DLC1: variants seen among roughly 807,000 people sequenced by gnomAD.
DLC1 encodes the protein DLC1 Rho GTPase activating protein, also known as rho GTPase-activating protein 7.
A neutral mutation model predicts 140.3 loss-of-function variants in DLC1; 54 were observed. That is an observed-to-expected ratio of 0.38 (90% CI 0.31 to 0.48). The LOEUF (loss-of-function observed/expected upper bound fraction) is 0.48, where lower values mean the gene tolerates loss of function less well. DLC1 is among the 20% of genes least tolerant of loss of function. The pLI is 0.96. For missense variants in DLC1, 2,536 were observed against 1,907.0 expected, an observed-to-expected ratio of 1.33 and a Z score of -6.14; for synonymous variants, 986 against 728.1, an observed-to-expected ratio of 1.35 and a Z score of -5.70.
intron 3 of DLC1, among the ~76,000 whole-genome samples, chr8:13,395,050 TATTA>T (rs200711909): frequency 0.031 from 3,895 of 125,692 alleles, 71 homozygotes; most frequent in South Asian, 0.072. Flanking sequence ...TCTATCTATC[TATTA>T]GGTACCTATC....
chr8:13,398,089 C>T (rs1837128710), intron 3 of DLC1, among the ~76,000 whole-genome samples: 1 of 151,810 alleles, frequency 6.6e-6, no homozygotes, highest in Admixed American at 6.6e-5. Context: ...CTAGATTGCG[C>T]CACTGCACTC....
intron 2 of DLC1, among the ~76,000 whole-genome samples, chr8:13,465,326 T>A (rs60860927): frequency 1.3e-5 from 2 of 151,932 alleles, no homozygotes; most frequent in South Asian, 2.1e-4. Flanking sequence ...ATGCCAAATT[T>A]TTTTCCTAAT....
At chr8:13,451,071 A>G (rs961111062) in intron 2 of DLC1, among the ~76,000 whole-genome samples, 3 of 149,472 alleles carry the variant, frequency 2.0e-5, no homozygotes, top group African/African-American at 7.3e-5. Context: ...AAAAAAAAGA[A>G]AAAAAGAAAA....
At chr8:13,382,403 A>T (rs1437828944) in intron 4 of DLC1, among the ~76,000 whole-genome samples, 2 of 141,210 alleles carry the variant, frequency 1.4e-5, no homozygotes, top group Non-Finnish European at 3.0e-5. Context: ...GCTACTCGGG[A>T]GGCTGAGGCA....
At chr8:13,296,468 T>C (rs954408514) in intron 5 of DLC1, among the ~76,000 whole-genome samples, 45 of 152,188 alleles carry the variant, frequency 3.0e-4, no homozygotes, top group South Asian at 4.1e-4. Context: ...ATGCTGCTGA[T>C]AGCCATTCTT....
chr8:13,395,134 T>C (rs1257857803), intron 3 of DLC1, among the ~76,000 whole-genome samples: 1 of 151,838 alleles, frequency 6.6e-6, no homozygotes, highest in East Asian at 1.9e-4. Flanking sequence ...TCTTTTTTTT[T>C]TTTTGGAATG....
rs188527248 is a variant in DLC1, at chr8:13,401,430, C to T, written c.1173+40G>A. The T allele has an allele frequency of 1.7e-4, 277 of 1,604,222 alleles. 1 individual carries two copies. In the East Asian group the frequency reaches 3.5e-3, roughly 20 times the overall value. Reference sequence around the variant, plus strand: ...AGGGACTGTATAAGGTCAAGAGTTACGACTCCTATGGGAAAAGAAGTAGAA... The same window carrying T: ...AGGGACTGTATAAGGTCAAGAGTTATGACTCCTATGGGAAAAGAAGTAGAA... On this transcript the variant is annotated intron_variant, in intron 3 of 17. Coordinates refer to ENST00000276297, the MANE Select transcript of DLC1 (RefSeq NM_182643.3).
chr8:13,499,473 C>T lies in DLC1; in HGVS notation c.599G>A (p.Ser200Asn), dbSNP rs758377686. Residue 200 changes from serine (S) to asparagine (N), a missense_variant, in exon 2 of 18, where the codon AGT (serine) becomes AAT (asparagine). Coordinates refer to ENST00000276297, the MANE Select transcript of DLC1 (RefSeq NM_182643.3). ...TACTTTGGGTGCATCTTTTATTTCACTTAAGCTTATTTCATTGCAAAGCTC... is the reference window on the plus strand; with the variant it reads ...TACTTTGGGTGCATCTTTTATTTCATTTAAGCTTATTTCATTGCAAAGCTC... ...SLELCNEISL[S>N]EIKDAPKVNA... 1.2e-6 allele frequency: 2 copies of T among 1,614,138 alleles called. No homozygotes were observed. The highest frequency in any genetic ancestry group is 2.2e-5 in the East Asian group (1 of 44,878).
At chr8:13,536,277 T>G (rs1803281196) in intron 1 of DLC1, 1 of 152,198 alleles carries the variant, frequency 6.6e-6, no homozygotes, top group Non-Finnish European at 1.5e-5. Flanking sequence ...AGTAGGAGAT[T>G]ACACTATGAA....
At chr8:13,087,451 G>A (rs74369967) in intron 16 of DLC1, among the ~76,000 whole-genome samples, 3,906 of 152,262 alleles carry the variant, frequency 0.026, 166 homozygotes, top group African/African-American at 0.088. Context: ...ACTTGATCTT[G>A]AACTTCCCAG....
At chr8:13,366,249 C>T (rs1321402911) in intron 4 of DLC1, among the ~76,000 whole-genome samples, 2 of 152,212 alleles carry the variant, frequency 1.3e-5, no homozygotes, top group African/African-American at 4.8e-5. Flanking sequence ...GCCAGGACAA[C>T]TCTGCTTTCA....
At chr8:13,304,991 T>C (rs751020989) in intron 5 of DLC1, 6 of 1,082,002 alleles carry the variant, frequency 5.5e-6, no homozygotes, top group African/African-American at 1.7e-5. Context: ...GATCAACATT[T>C]AATTCTTTTG....
At chr8:13,216,421 T>G (rs562921254) in intron 5 of DLC1, among the ~76,000 whole-genome samples, 16 of 152,086 alleles carry the variant, frequency 1.1e-4, no homozygotes, top group Admixed American at 8.5e-4. Flanking sequence ...CTCTAGTCAC[T>G]GCTTCCTTTC....
chr8:13,486,923 A>T (rs1023572393), intron 2 of DLC1, among the ~76,000 whole-genome samples: 1 of 152,238 alleles, frequency 6.6e-6, no homozygotes, highest in African/African-American at 2.4e-5. Context: ...TGTACACAAG[A>T]AATTGGCAGA....
intron 2 of DLC1, among the ~76,000 whole-genome samples, chr8:13,465,475 G>T (rs1799888820): frequency 6.6e-6 from 1 of 151,980 alleles, no homozygotes; most frequent in Admixed American, 6.6e-5. Flanking sequence ...ACTTTAATTT[G>T]CATTTCTCTG....
At chr8:13,570,443 C>A in intron 1 of DLC1, among the ~76,000 whole-genome samples, 1 of 118,898 alleles carries the variant, frequency 8.4e-6, no homozygotes, top group Non-Finnish European at 1.7e-5. Flanking sequence ...TATCCCTCCC[C>A]CCTCCCCCCA....
chr8:13,248,497 C>T (rs1003907013), intron 5 of DLC1, among the ~76,000 whole-genome samples: 2 of 152,126 alleles, frequency 1.3e-5, no homozygotes, highest in African/African-American at 4.8e-5. Flanking sequence ...CCAGTTACTC[C>T]CCCTTATTTA....
At chr8:13,152,824 G>GAA (rs773483544) in intron 5 of DLC1, among the ~76,000 whole-genome samples, 16 of 91,346 alleles carry the variant, frequency 1.8e-4, no homozygotes, top group South Asian at 9.6e-4. Flanking sequence ...CTCTGGGGAA[G>GAA]AAAAAAAAAA....
chr8:13,399,094 G>A (rs1346440226), intron 3 of DLC1, among the ~76,000 whole-genome samples: 3 of 152,158 alleles, frequency 2.0e-5, no homozygotes, highest in Non-Finnish European at 4.4e-5. Flanking sequence ...GCCTGTGTGT[G>A]TCTGAACTTC....
Sources: allele counts gnomAD v4.1 joint callset (sites outside exome capture counted in the v4.1 genomes callset), GRCh38; gene constraint gnomAD v4.1.1; transcripts MANE v1.5; gene names NCBI Gene and HGNC (gene_info 2026-07-23, HGNC 2026-07-21).